The following SASH3 variants were observed in gnomAD, a reference collection of about 807,000 sequenced individuals.
The protein encoded by SASH3 is SAM and SH3 domain containing 3.
A neutral mutation model predicts 26.1 loss-of-function variants in SASH3; 7 were observed. The ratio of observed to expected loss-of-function variants is 0.27; its 90% CI spans 0.15 to 0.50. SASH3 has a LOEUF of 0.50. Among genes scored for constraint, SASH3 ranks in the 20% least tolerant of loss-of-function variants. The pLI, the probability that SASH3 is intolerant of heterozygous loss-of-function variation, is 0.98. For synonymous variants in SASH3, 138 were observed against 136.8 expected (o/e 1.01, Z -0.06); for missense variants, 231 against 318.3 (o/e 0.73, Z 2.09).
intron 1 of SASH3, among the ~76,000 whole-genome samples, chrX:129,781,209 C>T (rs200664333): frequency 9.8e-5 from 11 of 112,227 alleles, no homozygotes; most frequent in Non-Finnish European, 1.7e-4. Flanking sequence ...TATGGTGGAT[C>T]CCCCTTGTCA....
intron 3 of SASH3, among the ~76,000 whole-genome samples, 180 bp from the exon 4 acceptor site, chrX:129,790,760 T>C (rs1299140649): frequency 9.0e-6 from 1 of 111,145 alleles, no homozygotes; most frequent in Non-Finnish European, 1.9e-5. Flanking sequence ...GCAAGGACTG[T>C]CACTCTCATT....
At chrX:129,791,215 A>C in intron 4 of SASH3, 134 bp downstream of exon 4, 5 of 618,869 alleles carry the variant, frequency 8.1e-6, no homozygotes, top group Non-Finnish European at 1.3e-5. Flanking sequence ...GAACATTCTC[A>C]GTCCTCTTCA....
intron 1 of SASH3, among the ~76,000 whole-genome samples, chrX:129,787,232 A>G (rs1399765590): frequency 8.9e-6 from 1 of 112,420 alleles, no homozygotes; most frequent in East Asian, 2.8e-4. Flanking sequence ...GTCATGCCTA[A>G]AAGTCCAAAC....
intron 1 of SASH3, among the ~76,000 whole-genome samples, chrX:129,783,847 TG>T (rs1346967294): frequency 2.7e-5 from 3 of 111,618 alleles, no homozygotes; most frequent in African/African-American, 9.8e-5. Context: ...GGATGCTGGC[TG>T]GGGCAGTGTG....
intron 1 of SASH3, among the ~76,000 whole-genome samples, chrX:129,783,365 AG>A (rs1212860341): frequency 9.0e-6 from 1 of 111,440 alleles, no homozygotes; most frequent in Non-Finnish European, 1.9e-5. Context: ...CTGCTTTCCT[AG>A]GAGCTCTGTT....
At chrX:129,780,189 C>T (rs1423543732) in intron 1 of SASH3, 35 bp downstream of exon 1, 1 of 1,147,529 alleles carries the variant, frequency 8.7e-7, no homozygotes, top group Admixed American at 2.2e-5. Flanking sequence ...ATCTTCCTTT[C>T]CTCTGCTTGC....
In SASH3 at chrX:129,793,673, G is replaced by A. The variant is rs1569313798; in HGVS notation, c.984G>A (p.Glu328=). The change falls in exon 8 of 8, where the codon GAG becomes GAA. Residue 328 remains glutamate (E), a synonymous_variant. Transcript: ENST00000356892. Reference sequence around the variant, plus strand: ...GTGAGGAGGCTGAAGAGGGCGCCGAGAGCAGCCAGGAGCCAGTGGCACACA... The same window carrying A: ...GTGAGGAGGCTGAAGAGGGCGCCGAAAGCAGCCAGGAGCCAGTGGCACACA... ...TGSEEAEEGA[E]SSQEPVAHTV... The A allele has an allele frequency of 8.3e-7, 1 of 1,211,946 alleles. No homozygotes were observed. Among genetic ancestry groups the A allele is most frequent in the Middle Eastern group, 2.3e-4 (1 of 4,342 alleles).
intron 3 of SASH3, among the ~76,000 whole-genome samples, chrX:129,789,169 A>AAGAAAGAAAGAAAGAAAGAAAGAGAAAG (rs112301444): frequency 8.2e-5 from 3 of 36,410 alleles, no homozygotes; most frequent in African/African-American, 2.2e-4. Flanking sequence ...AAGAAAGAGA[A>AAGAAAGAAAGAAAGAAAGAAAGAGAAAG]AAAAAAAAAA....
intron 3 of SASH3, among the ~76,000 whole-genome samples, 185 bp downstream of exon 3, chrX:129,788,762 C>T (rs745351861): frequency 3.6e-5 from 4 of 111,309 alleles, no homozygotes; most frequent in South Asian, 3.7e-4. Context: ...GCAATCTTGA[C>T]GGGGCAGGAG....
At chrX:129,786,495 T>C (rs1362296711) in intron 1 of SASH3, among the ~76,000 whole-genome samples, 1 of 110,675 alleles carries the variant, frequency 9.0e-6, no homozygotes, top group Non-Finnish European at 1.9e-5. Flanking sequence ...CTTCAGTTCC[T>C]CAAGCCCTTA....
rs747332725 is a variant in SASH3, at chrX:129,791,141, G to A, written c.442+60G>A. ...TGGAGGAAAGGACTGGGTTACAGCC[G>A]TGCTGGTGGCACACTGTCTGGGCGG... On this transcript the variant is annotated intron_variant, in intron 4 of 7. Coordinates refer to ENST00000356892, the MANE Select transcript of SASH3 (RefSeq NM_018990.4). The A allele has an allele frequency of 1.6e-5, 18 of 1,131,274 alleles. 1 individual carries two copies. The highest frequency in any genetic ancestry group is 3.2e-4 in the Middle Eastern group (1 of 3,153). The allele number at this position is 1,131,274 out of a possible 1,213,427, so 93.2% of individuals were successfully genotyped here.
chrX:129,783,703 G>A (rs1454546267), intron 1 of SASH3, among the ~76,000 whole-genome samples: 1 of 111,400 alleles, frequency 9.0e-6, no homozygotes. Flanking sequence ...CTCATTGCTG[G>A]ATTCTCACAC....
chrX:129,788,627 G>A (rs758210629), intron 3 of SASH3, 50 bp downstream of exon 3: 37 of 1,142,162 alleles, frequency 3.2e-5, no homozygotes, highest in African/African-American at 1.3e-4. Context: ...CCTGGGGACC[G>A]CTCTGGCAGA....
chrX:129,787,887 G>A, intron 1 of SASH3, 88 bp from the exon 2 acceptor site: 3 of 669,661 alleles, frequency 4.5e-6, no homozygotes, highest in East Asian at 6.5e-5. Flanking sequence ...GCTCTGGGCT[G>A]TGGGTATTGT....
chrX:129,794,039 C>G lies in SASH3; in HGVS notation c.*207C>G. The G allele has an allele frequency of 7.4e-6, 3 of 404,533 alleles. No individual in the cohort carries two copies. Among genetic ancestry groups the G allele is most frequent in the Admixed American group, 8.4e-5 (2 of 23,887 alleles). 33.3% of individuals were successfully genotyped at this position (404,533 alleles called of 1,213,427 possible). A position where few individuals can be genotyped will look rare whatever the true frequency, so the allele number is the denominator to read the frequency against. On this transcript the variant is annotated 3_prime_UTR_variant, in exon 8 of 8. Coordinates refer to ENST00000356892, the MANE Select transcript of SASH3 (RefSeq NM_018990.4). ...GTTGGGGAGTCGCCCAAGGGCACAT[C>G]CCACCTGCCTGAGCCCCGCCCTCCA... is the stretch of plus-strand genomic sequence containing the variant.
At chrX:129,786,946 G>A (rs1433230246) in intron 1 of SASH3, among the ~76,000 whole-genome samples, 1 of 106,032 alleles carries the variant, frequency 9.4e-6, no homozygotes, top group Admixed American at 1.0e-4. Context: ...AGTGAGCAGA[G>A]ATCTCGCCAC....
rs34716585 is a variant in SASH3, at chrX:129,787,925, C to T, written c.58-50C>T. On this transcript the variant is annotated intron_variant, in intron 1 of 7. Coordinates refer to ENST00000356892, the MANE Select transcript of SASH3 (RefSeq NM_018990.4). ...GGTGGGGGGAGGCGAGTATGTGGGC[C>T]CTCGGGCAGCCATTTAGCCCACTGA... 2,099 of 996,817 alleles carry T rather than the reference C, an allele frequency of 2.1e-3. 3 individuals carry two copies. Among genetic ancestry groups the T allele is most frequent in the Non-Finnish European group, 2.8e-3 (1,980 of 704,650 alleles). The allele number at this position is 996,817 out of a possible 1,213,427, so 82.1% of individuals were successfully genotyped here.
At chrX:129,789,167 G>GAAAGAAAGAAA (rs1569312723) in intron 3 of SASH3, among the ~76,000 whole-genome samples, 9 of 13,801 alleles carry the variant, frequency 6.5e-4, no homozygotes, top group East Asian at 4.5e-3. Context: ...GAAAGAAAGA[G>GAAAGAAAGAAA]AAAAAAAAAA....
chrX:129,788,783 G>A (rs769234147), intron 3 of SASH3, among the ~76,000 whole-genome samples: 1 of 111,226 alleles, frequency 9.0e-6, no homozygotes, highest in South Asian at 3.7e-4. Flanking sequence ...GCTGGCGGGG[G>A]AAGGGGTGGA....
Sources: gnomAD v4.1 joint callset for allele counts (sites outside exome capture counted in the v4.1 genomes callset) on GRCh38, gnomAD v4.1.1 for gene constraint, MANE v1.5 for transcripts, NCBI Gene and HGNC (gene_info 2026-07-23, HGNC 2026-07-21) for gene names.